CCDC85C: variants seen among roughly 807,000 people sequenced by gnomAD.
CCDC85C encodes the protein coiled-coil domain-containing protein 85C.
Under a neutral mutation model 38.3 loss-of-function variants are expected in CCDC85C, and 18 were observed. That is an observed-to-expected ratio of 0.47 (90% CI 0.33 to 0.70). The LOEUF is 0.70. Ranked by LOEUF, CCDC85C falls within the 30% of genes least tolerant of loss-of-function variation. The pLI is 0.03. For synonymous variants in CCDC85C, 264 were observed against 293.8 expected, an observed-to-expected ratio of 0.90 and a Z score of 1.04; for missense variants, 566 against 621.2, an observed-to-expected ratio of 0.91 and a Z score of 0.94.
chr14:99,595,208 A>G (rs11847802), intron 1 of CCDC85C, among the ~76,000 whole-genome samples: 71,774 of 152,008 alleles, frequency 0.47, 18,933 homozygotes, highest in Non-Finnish European at 0.58. Context: ...TGCCCACCGC[A>G]TGACTTTGCT....
intron 3 of CCDC85C, among the ~76,000 whole-genome samples, chr14:99,521,901 C>T (rs929576006): frequency 6.6e-6 from 1 of 152,208 alleles, no homozygotes; most frequent in Non-Finnish European, 1.5e-5. Flanking sequence ...GGGCTAGGCA[C>T]GGGCAGCCCT....
intron 5 of CCDC85C, 51 bp from the exon 6 acceptor site, chr14:99,515,386 C>T (rs1897205883): frequency 3.7e-6 from 5 of 1,369,358 alleles, no homozygotes; most frequent in Non-Finnish European, 5.1e-6. Flanking sequence ...CGTCCACCTG[C>T]CGCCTATGCA....
intron 1 of CCDC85C, among the ~76,000 whole-genome samples, chr14:99,538,454 T>A (rs114348978): frequency 0.02 from 3,033 of 152,348 alleles, 106 homozygotes; most frequent in African/African-American, 0.069. Context: ...CCCATGGGAC[T>A]GTGCTCCCGG....
At position 99,537,751 on chromosome 14, in the gene CCDC85C, C is replaced by G. The variant is rs138941390; in HGVS notation, c.794-1663G>C. On this transcript the variant is annotated intron_variant, in intron 1 of 5. Transcript: ENST00000380243. ...CCTCACACCTCACCAGCCCTGATCC[C>G]TCCCTCCCTGGCCTCAGTTTACTCA... 3.3e-5 allele frequency among the ~76,000 whole-genome samples: 5 copies of G among 152,320 alleles called. No individual in the cohort carries two copies. In the East Asian group the frequency reaches 9.7e-4, roughly 29 times the overall value.
At chr14:99,530,510 T>C (rs1897472083) in intron 2 of CCDC85C, among the ~76,000 whole-genome samples, 1 of 151,792 alleles carries the variant, frequency 6.6e-6, no homozygotes, top group Admixed American at 6.6e-5. Context: ...GGACAGCCCA[T>C]CCTCCTAGGG....
At chr14:99,587,698 A>G (rs1455405179) in intron 1 of CCDC85C, among the ~76,000 whole-genome samples, 2 of 152,144 alleles carry the variant, frequency 1.3e-5, no homozygotes, top group South Asian at 2.1e-4. Flanking sequence ...GCATCTCAGG[A>G]GGCAGGCCGG....
Position 99,536,107 on chromosome 14 carries a change from A to G in CCDC85C, c.794-19T>C. 6.6e-7 allele frequency: 1 copy of G among 1,524,428 alleles called. No individual in the cohort carries two copies. Among genetic ancestry groups the G allele is most frequent in the Admixed American group, 2.0e-5 (1 of 50,928 alleles). The allele number at this position is 1,524,428 out of a possible 1,614,324, so 94.4% of individuals were successfully genotyped here. ...GAGGGATCTGGAAGGACACAAGAGG[A>G]AGGGGGACATTAGCCTCCAGCAGAC... On this transcript the variant is annotated intron_variant, in intron 1 of 5. Transcript: ENST00000380243.
intron 2 of CCDC85C, among the ~76,000 whole-genome samples, chr14:99,527,139 CAGG>C (rs921405421): frequency 2.6e-5 from 4 of 152,238 alleles, no homozygotes; most frequent in African/African-American, 7.2e-5. Context: ...CGAGGGCACG[CAGG>C]AGGTTTGTGT....
intron 1 of CCDC85C, among the ~76,000 whole-genome samples, chr14:99,587,912 CAG>C (rs2055044371): frequency 6.6e-6 from 1 of 152,226 alleles, no homozygotes; most frequent in Admixed American, 6.5e-5. Context: ...ATACAAATAA[CAG>C]AGCCACACTG....
chr14:99,603,076 G>C lies in CCDC85C; in HGVS notation c.793+91C>G. On this transcript the variant is annotated intron_variant, in intron 1 of 5. Coordinates refer to ENST00000380243, the MANE Select transcript of CCDC85C (RefSeq NM_001144995.2). This position sits in a 1 kb window ranked among gnomAD's most constrained non-coding sequence, Gnocchi z 7.5. ...AGTCTGGAGTGGCGGCCGCATGAGT[G>C]GGACAGCCAGGGACCACCTCCTCTC... The C allele has an allele frequency of 7.9e-7, 1 of 1,258,910 alleles. No homozygotes were observed. Among genetic ancestry groups the C allele is most frequent in the Non-Finnish European group, 1.0e-6 (1 of 1,000,266 alleles). The allele number at this position is 1,258,910 out of a possible 1,614,324, so 78.0% of individuals were successfully genotyped here.
chr14:99,603,785 G>T lies in CCDC85C; in HGVS notation c.175C>A (p.Arg59=). The T allele has an allele frequency of 3.3e-6, 5 of 1,525,722 alleles. No homozygotes were observed. The South Asian group carries it at 4.9e-5, about 15-fold the overall frequency. 94.5% of individuals were successfully genotyped at this position (1,525,722 alleles called of 1,614,324 possible). ...ATCTCCAGCAGGTGCTGCTGCAGCC[G>T]CCGGTTCACGTCGCGCATCAGGCCG... is the stretch of plus-strand genomic sequence containing the variant. ...HGGLMRDVNR[R]LQQHLLEIRG... is the part of the protein sequence containing the mutation. Residue 59 remains arginine (R), a synonymous_variant, in exon 1 of 6, where the codon CGG becomes AGG. Coordinates refer to ENST00000380243, the MANE Select transcript of CCDC85C (RefSeq NM_001144995.2). This position sits in a 1 kb window ranked among gnomAD's most constrained non-coding sequence, Gnocchi z 7.5.
At chr14:99,521,537 C>T (rs543997580) in intron 3 of CCDC85C, among the ~76,000 whole-genome samples, 4 of 152,304 alleles carry the variant, frequency 2.6e-5, no homozygotes, top group African/African-American at 4.8e-5. Flanking sequence ...CCCAAGCATC[C>T]GCTACACACC....
intron 1 of CCDC85C, among the ~76,000 whole-genome samples, chr14:99,549,991 G>A (rs1262744501): frequency 6.6e-6 from 1 of 152,208 alleles, no homozygotes; most frequent in Non-Finnish European, 1.5e-5. Flanking sequence ...AAGAAACTGG[G>A]TCAGGAGTCC....
intron 3 of CCDC85C, among the ~76,000 whole-genome samples, chr14:99,521,541 A>G (rs185463051): frequency 6.6e-6 from 1 of 152,294 alleles, no homozygotes; most frequent in African/African-American, 2.4e-5. Context: ...AGCATCCGCT[A>G]CACACCCACC....
At chr14:99,589,517 C>T (rs74602948) in intron 1 of CCDC85C, among the ~76,000 whole-genome samples, 12,668 of 152,192 alleles carry the variant, frequency 0.083, 1,027 homozygotes, top group African/African-American at 0.2. Flanking sequence ...GGAGCCTCAC[C>T]AACTCTCCTA....
intron 1 of CCDC85C, among the ~76,000 whole-genome samples, chr14:99,589,098 A>C (rs911168221): frequency 4.6e-5 from 7 of 152,134 alleles, no homozygotes; most frequent in Admixed American, 4.6e-4. Flanking sequence ...AAGCAGTGTC[A>C]ACAGAGTAAG....
chr14:99,552,260 G>A (rs1897925632), intron 1 of CCDC85C, among the ~76,000 whole-genome samples: 2 of 152,344 alleles, frequency 1.3e-5, no homozygotes, highest in South Asian at 2.1e-4. Flanking sequence ...CACTGCTAGG[G>A]GTGCTGCAAT....
At position 99,502,177 on chromosome 14, in the gene CCDC85C, A is replaced by G; in HGVS notation, c.*13069T>C. 6.5e-7 allele frequency: 1 copy of G among 1,546,710 alleles called. No individual in the cohort carries two copies. The highest frequency in any genetic ancestry group is 8.7e-7 in the Non-Finnish European group (1 of 1,144,840). On this transcript the variant is annotated 3_prime_UTR_variant, in exon 6 of 6. Transcript: ENST00000380243. ...TTAATCATAAATATTAGATCATATT[A>G]TCTAACCTTTTTTTTTCTTGTTGAA...
At position 99,516,238 on chromosome 14, in the gene CCDC85C, C is replaced by G. The variant is rs1304683833; in HGVS notation, c.1120G>C (p.Glu374Gln). ...NLDRQLQDSC[E>Q]EDLSEKEKAI... ...TTCTCCTTCTCACTCAGGTCCTCCTCACAGCTGTCCTGGAGCTGCCGGTCC... is the reference window on the plus strand; with the variant it reads ...TTCTCCTTCTCACTCAGGTCCTCCTGACAGCTGTCCTGGAGCTGCCGGTCC... Residue 374 changes from glutamate to glutamine, a missense_variant, in exon 5 of 6, where the codon GAG becomes CAG. Around this residue, in one of 3 missense-constraint regions of CCDC85C, gnomAD observed 286 missense variants for 276.4 expected, o/e 1.03. Transcript: ENST00000380243. This position sits in a 1 kb window ranked among gnomAD's most constrained non-coding sequence, Gnocchi z 5.5. The G allele has an allele frequency of 6.4e-7, 1 of 1,551,318 alleles. No individual in the cohort carries two copies. The highest frequency in any genetic ancestry group is 2.0e-5 in the Admixed American group (1 of 51,006).
Sources: gnomAD v4.1 joint callset for allele counts (sites outside exome capture counted in the v4.1 genomes callset) on GRCh38, gnomAD v4.1.1 for gene constraint, gnomAD v4.1.1 regional missense constraint, Gnocchi (gnomAD v3.1) non-coding constraint, MANE v1.5 for transcripts, NCBI Gene and HGNC (gene_info 2026-07-23, HGNC 2026-07-21) for gene names.